AKIRIN1: variants seen among roughly 807,000 people sequenced by gnomAD.
AKIRIN1 encodes akirin-1.
In AKIRIN1, 4 loss-of-function variants were observed where a neutral mutation model predicts 25.9. The observed-to-expected ratio is 0.15, with a 90% CI of 0.08 to 0.35. AKIRIN1 has a LOEUF of 0.35. Ranked by LOEUF, AKIRIN1 falls within the 10% of genes least tolerant of loss-of-function variation. AKIRIN1 has a pLI of 1.00. For synonymous variants in AKIRIN1, 125 were observed against 105.1 expected, an observed-to-expected ratio of 1.19 and a Z score of -1.16; for missense variants, 243 against 266.1, an observed-to-expected ratio of 0.91 and a Z score of 0.61.
chr1:38,991,613 G>A lies in AKIRIN1; in HGVS notation c.220+13G>A, dbSNP rs778452781. On this transcript the variant is annotated intron_variant, in intron 1 of 4. Coordinates refer to ENST00000432648, the MANE Select transcript of AKIRIN1 (RefSeq NM_024595.3). The stretch of plus-strand genomic sequence containing the variant: ...CTTCCAACTCCGGGTAACCTGCCCT[G>A]CTCTGGGTTTGGCAGGAAGCCAGGC... The A allele has an allele frequency of 7.8e-7, 1 of 1,282,384 alleles. No homozygotes were observed. 79.4% of individuals were successfully genotyped at this position (1,282,384 alleles called of 1,614,324 possible). A position where few individuals can be genotyped will look rare whatever the true frequency, so the allele number is the denominator to read the frequency against.
chr1:39,000,339 CTTTTTCTTTTTTTTT>C (rs1643980028), intron 2 of AKIRIN1, among the ~76,000 whole-genome samples: 1 of 124,890 alleles, frequency 8.0e-6, no homozygotes, highest in African/African-American at 2.8e-5. Flanking sequence ...CCTTTTTTTT[CTTTTTCTTTTTTTTT>C]TTTTTTTTGA....
At chr1:39,001,297 T>C (rs2148069170) in intron 3 of AKIRIN1, among the ~76,000 whole-genome samples, 191 bp downstream of exon 3, 1 of 151,630 alleles carries the variant, frequency 6.6e-6, no homozygotes, top group East Asian at 1.9e-4. Flanking sequence ...TTTTTTTTTT[T>C]TTTTTTGGGA....
In AKIRIN1 at chr1:38,991,495, A is replaced by T; in HGVS notation, c.115A>T (p.Arg39Trp). 1.4e-6 allele frequency: 2 copies of T among 1,448,302 alleles called. No individual in the cohort carries two copies. Among genetic ancestry groups the T allele is most frequent in the East Asian group, 3.0e-5 (1 of 33,210 alleles). The allele number at this position is 1,448,302 out of a possible 1,614,324, so 89.7% of individuals were successfully genotyped here. The part of the protein sequence containing the change: ...APLPGPTPGL[R>W]PPDAEPPPPF... ...TCTGCCCGGCCCCACTCCGGGCCTC[A>T]GGCCCCCGGACGCCGAGCCGCCGCC... Residue 39 changes from arginine to tryptophan, a missense_variant, in exon 1 of 5, where the codon AGG becomes TGG. Coordinates refer to ENST00000432648, the MANE Select transcript of AKIRIN1 (RefSeq NM_024595.3).
intron 1 of AKIRIN1, among the ~76,000 whole-genome samples, chr1:38,995,181 A>G (rs6660176): frequency 0.95 from 145,062 of 152,186 alleles, 69,244 homozygotes; most frequent in Non-Finnish European, 0.98. Context: ...CAGGGAAACC[A>G]TGAGAGCAAA....
chr1:38,994,062 C>T (rs1465118507), intron 1 of AKIRIN1, among the ~76,000 whole-genome samples: 1 of 149,284 alleles, frequency 6.7e-6, no homozygotes, highest in African/African-American at 2.5e-5. Flanking sequence ...AAGAGTGAAA[C>T]TCCATCTCAA....
At chr1:38,991,663 T>A in intron 1 of AKIRIN1, 63 bp downstream of exon 1, 2 of 70,106 alleles carry the variant, frequency 2.9e-5, no homozygotes, top group Non-Finnish European at 4.7e-5. Flanking sequence ...GGGGGGGTGG[T>A]GGGGGAGGGT....
intron 3 of AKIRIN1, among the ~76,000 whole-genome samples, chr1:39,001,772 A>G (rs1015450811): frequency 9.2e-5 from 14 of 152,196 alleles, no homozygotes; most frequent in African/African-American, 2.9e-4. Context: ...TTTCCATATC[A>G]ATGAAGGCAT....
chr1:39,002,013 T>C (rs1643996257), intron 3 of AKIRIN1, among the ~76,000 whole-genome samples: 1 of 152,222 alleles, frequency 6.6e-6, no homozygotes, highest in Non-Finnish European at 1.5e-5. Flanking sequence ...AATTAAAGCC[T>C]TTTGTGAAAG....
At chr1:39,000,944 G>A (rs373814895) in intron 2 of AKIRIN1, 28 bp from the exon 3 acceptor site, 4 of 1,599,422 alleles carry the variant, frequency 2.5e-6, no homozygotes, top group Non-Finnish European at 3.4e-6. Context: ...ACCGCACCTG[G>A]CCCAAACTCA....
In AKIRIN1 at chr1:39,004,522, G is replaced by T. The variant is rs921296354; in HGVS notation, c.*467G>T. On this transcript the variant is annotated 3_prime_UTR_variant, in exon 5 of 5. Coordinates refer to ENST00000432648, the MANE Select transcript of AKIRIN1 (RefSeq NM_024595.3). ...ATTATGGTAAAAAAACATTTGCTTGGTCTAAAGAAGATCATTAATGTTTTG... is the reference window on the plus strand; with the variant it reads ...ATTATGGTAAAAAAACATTTGCTTGTTCTAAAGAAGATCATTAATGTTTTG... 1 of 257,530 alleles carries T rather than the reference G, an allele frequency of 3.9e-6. No homozygotes were observed. Among genetic ancestry groups the T allele is most frequent in the South Asian group, 4.1e-5 (1 of 24,398 alleles). The allele number at this position is 257,530 out of a possible 1,614,324, so 16.0% of individuals were successfully genotyped here. A position where few individuals can be genotyped will look rare whatever the true frequency, so the allele number is the denominator to read the frequency against.
rs1296907936 is a variant in AKIRIN1 at position 39,003,259 on chromosome 1, A to T, written c.497-88A>T. 3.1e-6 allele frequency: 4 copies of T among 1,291,530 alleles called. No individual in the cohort carries two copies. In the African/African-American group the frequency reaches 5.9e-5, roughly 19 times the overall value. 80.0% of individuals were successfully genotyped at this position (1,291,530 alleles called of 1,614,324 possible). The stretch of plus-strand genomic sequence containing the variant: ...AGGGCCTGAGAGGGTGAAGAATTCA[A>T]ACTGGGAAGCTATTTGTGATCCTGA... On this transcript the variant is annotated intron_variant, in intron 3 of 4. Coordinates refer to ENST00000432648, the MANE Select transcript of AKIRIN1 (RefSeq NM_024595.3).
intron 1 of AKIRIN1, among the ~76,000 whole-genome samples, chr1:38,993,488 G>A (rs1434825328): frequency 6.6e-6 from 1 of 151,962 alleles, no homozygotes; most frequent in Admixed American, 6.6e-5. Flanking sequence ...TTGTTTTGGG[G>A]GCAGTGGTGG....
At chr1:39,003,793 T>C (rs184047468) in intron 4 of AKIRIN1, among the ~76,000 whole-genome samples, 1 of 152,356 alleles carries the variant, frequency 6.6e-6, no homozygotes, top group East Asian at 1.9e-4. Flanking sequence ...TAAGTTAGTT[T>C]ATCAAGTGTG....
In AKIRIN1 at chr1:38,995,728, G is replaced by A. The variant is rs184801554; in HGVS notation, c.221-2443G>A. On this transcript the variant is annotated intron_variant, in intron 1 of 4. Transcript: ENST00000432648. The stretch of plus-strand genomic sequence containing the variant: ...TATCCTTGTATTGGCTCTGGCTTGA[G>A]GAATAAGACATCTTAAAATACAGGG... 1.2e-3 allele frequency among the ~76,000 whole-genome samples: 183 copies of A among 152,286 alleles called. 1 individual carries two copies. The highest frequency in any genetic ancestry group is 4.1e-3 in the African/African-American group (169 of 41,560).
At chr1:39,003,452 A>G in intron 4 of AKIRIN1, 34 bp downstream of exon 4, 9 of 1,597,418 alleles carry the variant, frequency 5.6e-6, no homozygotes, top group Non-Finnish European at 7.7e-6. Context: ...GAATTTTCTA[A>G]GTTTCAAGAG....
Position 38,991,366 on chromosome 1 carries a change from T to C in AKIRIN1, c.-15T>C. The C allele has an allele frequency of 7.5e-7, 1 of 1,339,450 alleles. No individual in the cohort carries two copies. The highest frequency in any genetic ancestry group is 9.5e-7 in the Non-Finnish European group (1 of 1,047,904). The allele number at this position is 1,339,450 out of a possible 1,614,324, so 83.0% of individuals were successfully genotyped here. ...TACCGCCGCGTCCGCTCCCGGTCCC[T>C]GGCCCCTCAGCGGCATGGCGTGCGG... On this transcript the variant is annotated 5_prime_UTR_variant, in exon 1 of 5. Coordinates refer to ENST00000432648, the MANE Select transcript of AKIRIN1 (RefSeq NM_024595.3).
Position 39,006,000 on chromosome 1 carries a change from TAAAAA to T in AKIRIN1, c.*1951_*1955del, listed in dbSNP as rs911614486. 6.7e-6 allele frequency: 1 copy of T among 148,656 alleles called. No homozygotes were observed. The highest frequency in any genetic ancestry group is 2.5e-5 in the African/African-American group (1 of 40,498). 9.2% of individuals were successfully genotyped at this position (148,656 alleles called of 1,614,324 possible). A position where few individuals can be genotyped will look rare whatever the true frequency, so the allele number is the denominator to read the frequency against. On this transcript the variant is annotated 3_prime_UTR_variant, in exon 5 of 5. Transcript: ENST00000432648. ...ATTGCATTGAAAATTTATGGACCTT[TAAAAA>T]AAAAAGCCCAACAGTGATTTTTTTT...
At position 39,004,589 on chromosome 1, in the gene AKIRIN1, G is replaced by GTATT. The variant is rs1037164335; in HGVS notation, c.*535_*538dup. 2.5e-5 allele frequency: 5 copies of GTATT among 199,712 alleles called. No homozygotes were observed. Among genetic ancestry groups the GTATT allele is most frequent in the African/African-American group, 1.2e-4 (5 of 42,094 alleles). 12.4% of individuals were successfully genotyped at this position (199,712 alleles called of 1,614,324 possible). A position where few individuals can be genotyped will look rare whatever the true frequency, so the allele number is the denominator to read the frequency against. ...AACAGTGGATTGTTTTTATGTGTAG[G>GTATT]TATTGTTAAATACAGGGACTGTTTC... On this transcript the variant is annotated 3_prime_UTR_variant, in exon 5 of 5. Coordinates refer to ENST00000432648, the MANE Select transcript of AKIRIN1 (RefSeq NM_024595.3).
intron 3 of AKIRIN1, among the ~76,000 whole-genome samples, chr1:39,001,454 G>C (rs1643991179): frequency 6.6e-6 from 1 of 151,832 alleles, no homozygotes; most frequent in African/African-American, 2.4e-5. Context: ...TTAGCAGAGA[G>C]GGGGCTTCTC....
Sources: allele counts gnomAD v4.1 joint callset (sites outside exome capture counted in the v4.1 genomes callset), GRCh38; gene constraint gnomAD v4.1.1; transcripts MANE v1.5; gene names NCBI Gene and HGNC (gene_info 2026-07-23, HGNC 2026-07-21).